PTPRS: variants seen among roughly 807,000 people sequenced by gnomAD.
PTPRS encodes protein tyrosine phosphatase receptor type S, also known as receptor-type tyrosine-protein phosphatase S.
In PTPRS, 63 loss-of-function variants were observed where a neutral mutation model predicts 215.3. That is an observed-to-expected ratio of 0.29 (90% CI 0.24 to 0.36). PTPRS has a LOEUF of 0.36. Among genes scored for constraint, PTPRS ranks in the 10% least tolerant of loss-of-function variants. PTPRS has a pLI of 1.00. For missense variants in PTPRS, 2,258 were observed against 2,825.8 expected (o/e 0.80, Z 4.56); for synonymous variants, 1,404 against 1,191.4 (o/e 1.18, Z -3.68).
Position 5,339,905 on chromosome 19 carries a change from A to G in PTPRS, c.-95+759T>C, listed in dbSNP as rs2147347436. ...TGCTGGGCGTGCGCGTCTGCCTGCC[A>G]GAGCCCCTGGGGCTGGGGGCTGAGG... On this transcript the variant is annotated intron_variant, in intron 1 of 37. Transcript: ENST00000262963. This position sits in a 1 kb window ranked among gnomAD's most constrained non-coding sequence, Gnocchi z 4.2. Among the ~76,000 whole-genome samples, 1 of 151,882 alleles carries G rather than the reference A, an allele frequency of 6.6e-6. No homozygotes were observed. Among genetic ancestry groups the G allele is most frequent in the East Asian group, 2.0e-4 (1 of 5,056 alleles).
At position 5,206,128 on chromosome 19, in the gene PTPRS, A is replaced by T. The variant is rs769890835; in HGVS notation, c.*646T>A. On this transcript the variant is annotated 3_prime_UTR_variant, in exon 38 of 38. Transcript: ENST00000262963. ...GCCTGGCGTGCGCGTTTGCGAACGT[A>T]ACTATCACACAAGGACGCTTTCTAC... 6.6e-6 allele frequency among the ~76,000 whole-genome samples: 1 copy of T among 151,554 alleles called. No homozygotes were observed. The highest frequency in any genetic ancestry group is 1.5e-5 in the Non-Finnish European group (1 of 67,934).
Position 5,211,787 on chromosome 19 carries a change from C to G in PTPRS, c.5056-19G>C, listed in dbSNP as rs141287404. On this transcript the variant is annotated intron_variant, in intron 32 of 37. Coordinates refer to ENST00000262963, the MANE Select transcript of PTPRS (RefSeq NM_002850.4). Reference sequence around the variant, plus strand: ...CCAGCCGCTGTGGGGAGGAGGAAGCCAGAGGCCACCATCAGGATGAGGAAG... The same window carrying G: ...CCAGCCGCTGTGGGGAGGAGGAAGCGAGAGGCCACCATCAGGATGAGGAAG... 1 of 1,607,094 alleles carries G rather than the reference C, an allele frequency of 6.2e-7. No individual in the cohort carries two copies. Among genetic ancestry groups the G allele is most frequent in the South Asian group, 1.1e-5 (1 of 90,968 alleles).
chr19:5,327,664 G>C (rs1243395398), intron 1 of PTPRS, among the ~76,000 whole-genome samples: 1 of 152,080 alleles, frequency 6.6e-6, no homozygotes, highest in African/African-American at 2.4e-5. Flanking sequence ...AATGGGGCAT[G>C]ATCATAGCTC....
chr19:5,253,151 G>A lies in PTPRS; in HGVS notation c.718+2957C>T, dbSNP rs141442904. Among the ~76,000 whole-genome samples, 571 of 152,256 alleles carry A rather than the reference G, an allele frequency of 3.8e-3. 3 individuals carry two copies. The highest frequency in any genetic ancestry group is 8.3e-3 in the Admixed American group (127 of 15,288). ...TCATCTTCCCACCTTGTCAAAAGTC[G>A]GAGGAGGGAGAATTCAACTACAGCT... On this transcript the variant is annotated intron_variant, in intron 9 of 37. Transcript: ENST00000262963.
intron 16 of PTPRS, among the ~76,000 whole-genome samples, chr19:5,226,347 G>A (rs1374865033): frequency 6.6e-6 from 1 of 152,224 alleles, no homozygotes; most frequent in African/African-American, 2.4e-5. Flanking sequence ...CTGGTGTGCT[G>A]GAGGTGCCCG....
intron 14 of PTPRS, among the ~76,000 whole-genome samples, chr19:5,229,912 C>G (rs546769336): frequency 4.6e-5 from 7 of 151,924 alleles, no homozygotes; most frequent in African/African-American, 9.7e-5. Flanking sequence ...GCTGCCCCCC[C>G]CCGAGTCTAA....
At chr19:5,274,152 C>T (rs1393947438) in intron 3 of PTPRS, 47 bp downstream of exon 3, 1 of 1,581,038 alleles carries the variant, frequency 6.3e-7, no homozygotes, top group South Asian at 1.1e-5. Flanking sequence ...GTGGCCCTGC[C>T]TTGGGGGAGC....
rs775599157 is a variant in PTPRS, at chr19:5,231,593, G to A, written c.1872C>T (p.Asp624=). 2.6e-6 allele frequency: 4 copies of A among 1,552,944 alleles called. No individual in the cohort carries two copies. The highest frequency in any genetic ancestry group is 2.4e-5 in the East Asian group (1 of 41,690). ...LQSKPSAPPQ[D]VKCVSVRSTA... is the part of the protein sequence containing the mutation. ...TGGAGCGCACGCTGACACATTTAACGTCTTGAGGGGGGGCTGACGGTTCTA... is the reference window on the plus strand; with the variant it reads ...TGGAGCGCACGCTGACACATTTAACATCTTGAGGGGGGGCTGACGGTTCTA... Residue 624 remains aspartate, a synonymous_variant, in exon 14 of 38, where the codon GAC becomes GAT. Transcript: ENST00000262963.
chr19:5,243,257 G>A (rs2044201226), intron 11 of PTPRS, among the ~76,000 whole-genome samples: 2 of 151,488 alleles, frequency 1.3e-5, no homozygotes, highest in African/African-American at 4.9e-5. Flanking sequence ...TCAGCCTCCA[G>A]AGTAGCTGGG....
At position 5,302,718 on chromosome 19, in the gene PTPRS, C is replaced by T. The variant is rs150335702; in HGVS notation, c.-94-16484G>A. On this transcript the variant is annotated intron_variant, in intron 1 of 37. Coordinates refer to ENST00000262963, the MANE Select transcript of PTPRS (RefSeq NM_002850.4). ...GGCTGCCGGATGCCTCCTCCAGAGG[C>T]CACCCCCAAACAGCCCCATGCCTAG... 1.1e-4 allele frequency among the ~76,000 whole-genome samples: 17 copies of T among 152,142 alleles called. No individual in the cohort carries two copies. In the East Asian group the frequency reaches 3.1e-3, roughly 28 times the overall value.
At position 5,295,031 on chromosome 19, in the gene PTPRS, A is replaced by C. The variant is rs1304561371; in HGVS notation, c.-94-8797T>G. On this transcript the variant is annotated intron_variant, in intron 1 of 37. Coordinates refer to ENST00000262963, the MANE Select transcript of PTPRS (RefSeq NM_002850.4). The surrounding 1 kb of genome is among the most constrained non-coding windows in gnomAD (Gnocchi z 4.6). ...TAGGAGCAACCAGCGTGACCTCCCC[A>C]ACTTGGCTGGGCACACAGTGGGCCC... Among the ~76,000 whole-genome samples, 1 of 152,186 alleles carries C rather than the reference A, an allele frequency of 6.6e-6. No individual in the cohort carries two copies.
At chr19:5,247,715 C>T (rs1346367970) in intron 9 of PTPRS, among the ~76,000 whole-genome samples, 1 of 151,856 alleles carries the variant, frequency 6.6e-6, no homozygotes, top group Admixed American at 6.5e-5. Context: ...GTCTACGATG[C>T]TGAGGAGGAG....
chr19:5,270,793 C>T (rs1286091542), intron 4 of PTPRS, among the ~76,000 whole-genome samples: 1 of 152,142 alleles, frequency 6.6e-6, no homozygotes, highest in African/African-American at 2.4e-5. Context: ...GACAGGTGCA[C>T]ACCACCATGC....
At chr19:5,316,775 T>C (rs547448078) in intron 1 of PTPRS, among the ~76,000 whole-genome samples, 1 of 151,914 alleles carries the variant, frequency 6.6e-6, no homozygotes, top group East Asian at 1.9e-4. Flanking sequence ...GTGATCCACC[T>C]GCCTCAGTCT....
intron 1 of PTPRS, among the ~76,000 whole-genome samples, chr19:5,336,208 G>C (rs1283801979): frequency 8.0e-6 from 1 of 125,386 alleles, no homozygotes; most frequent in Non-Finnish European, 1.6e-5. Flanking sequence ...TGGTACGTCG[G>C]GTTTTTTTTT....
intron 1 of PTPRS, among the ~76,000 whole-genome samples, chr19:5,328,854 A>G (rs1350619762): frequency 6.6e-6 from 1 of 152,082 alleles, no homozygotes; most frequent in Non-Finnish European, 1.5e-5. Context: ...TCCCTGCAAC[A>G]TCACCCACTC....
chr19:5,214,278 T>G (rs897522187), intron 30 of PTPRS, 83 bp downstream of exon 30: 2 of 1,586,594 alleles, frequency 1.3e-6, no homozygotes, highest in East Asian at 4.5e-5. Flanking sequence ...CATGGGGAGC[T>G]CCCTGGGTAG....
At chr19:5,281,179 A>G (rs979396749) in intron 2 of PTPRS, among the ~76,000 whole-genome samples, 1 of 151,676 alleles carries the variant, frequency 6.6e-6, no homozygotes, top group Non-Finnish European at 1.5e-5. Context: ...AGAGCTCAGA[A>G]GCTGGGCATG....
rs911864999 is a variant in PTPRS at position 5,210,880 on chromosome 19, G to C, written c.5235-75C>G. ...GGTACTCACCTGATGCTGCCCGGGA[G>C]GGTCAGGACCAAGCCAGTGACAGCT... On this transcript the variant is annotated intron_variant, in intron 33 of 37. Coordinates refer to ENST00000262963, the MANE Select transcript of PTPRS (RefSeq NM_002850.4). The surrounding 1 kb of genome is among the most constrained non-coding windows in gnomAD (Gnocchi z 4.5). The C allele has an allele frequency of 2.6e-6, 4 of 1,546,844 alleles. No homozygotes were observed. Among genetic ancestry groups the C allele is most frequent in the Non-Finnish European group, 3.5e-6 (4 of 1,150,414 alleles).
Sources: gnomAD v4.1 joint callset for allele counts (sites outside exome capture counted in the v4.1 genomes callset) on GRCh38, gnomAD v4.1.1 for gene constraint, Gnocchi (gnomAD v3.1) non-coding constraint, MANE v1.5 for transcripts, NCBI Gene and HGNC (gene_info 2026-07-23, HGNC 2026-07-21) for gene names.